The following RNF115 variants were observed in gnomAD, a reference collection of about 807,000 sequenced individuals.
The protein encoded by RNF115 is E3 ubiquitin-protein ligase RNF115.
A neutral mutation model predicts 39.2 loss-of-function variants in RNF115; 31 were observed. That is an observed-to-expected ratio of 0.79 (90% confidence interval 0.59 to 1.07). The LOEUF (loss-of-function observed/expected upper bound fraction) is 1.07, where lower values mean the gene tolerates loss of function less well. Among genes scored for constraint, RNF115 ranks in the 50% least tolerant of loss-of-function variants. RNF115 has a pLI of 0.00. For synonymous variants in RNF115, 124 were observed against 131.0 expected, an observed-to-expected ratio of 0.95 and a Z score of 0.37; for missense variants, 384 against 381.7, an observed-to-expected ratio of 1.01 and a Z score of -0.05.
At chr1:145,772,017 A>T in intron 3 of RNF115, 98 bp from the exon 4 acceptor site, 2 of 944,460 alleles carry the variant, frequency 2.1e-6, no homozygotes, top group South Asian at 1.6e-5. Flanking sequence ...CACTGTGAAT[A>T]TTACTGTATG....
At chr1:145,782,204 C>G (rs587701261) in intron 3 of RNF115, among the ~76,000 whole-genome samples, 1 of 152,264 alleles carries the variant, frequency 6.6e-6, no homozygotes, top group South Asian at 2.1e-4. Flanking sequence ...CACGCCCAGC[C>G]TTCCTTGTTT....
At chr1:145,782,456 AAC>A (rs370264320) in intron 3 of RNF115, among the ~76,000 whole-genome samples, 6 of 151,708 alleles carry the variant, frequency 4.0e-5, no homozygotes, top group African/African-American at 1.4e-4. Context: ...ATCTCTTAAA[AAC>A]ACACACACAC....
chr1:145,780,601 C>T (rs1417309019), intron 3 of RNF115, among the ~76,000 whole-genome samples: 2 of 117,266 alleles, frequency 1.7e-5, no homozygotes, highest in Non-Finnish European at 3.3e-5. Context: ...GCCTGGGCAA[C>T]AGAGTGAGAC....
intron 3 of RNF115, chr1:145,772,532 T>C (rs1403327789): frequency 6.6e-6 from 1 of 152,324 alleles, no homozygotes. Flanking sequence ...CTTTCATCAC[T>C]TTAAATATGT....
At chr1:145,763,241 C>T (rs759072547) in intron 4 of RNF115, among the ~76,000 whole-genome samples, 2 of 152,076 alleles carry the variant, frequency 1.3e-5, no homozygotes, top group Non-Finnish European at 2.9e-5. Context: ...TTTAAAAGAA[C>T]GTATTATTTA....
intron 3 of RNF115, among the ~76,000 whole-genome samples, chr1:145,776,027 TA>T (rs1351415050): frequency 6.1e-5 from 9 of 146,570 alleles, no homozygotes; most frequent in African/African-American, 2.3e-4. Flanking sequence ...TAAAAATAAA[TA>T]AAATAAAATA....
At chr1:145,793,842 CTT>C (rs11304765) in intron 1 of RNF115, among the ~76,000 whole-genome samples, 58 of 135,770 alleles carry the variant, frequency 4.3e-4, no homozygotes, top group Non-Finnish European at 5.1e-4. Flanking sequence ...TACCCTCTTT[CTT>C]TTTTTTTTTT....
intron 4 of RNF115, among the ~76,000 whole-genome samples, chr1:145,766,140 G>A (rs1553714779): frequency 6.6e-6 from 1 of 152,138 alleles, no homozygotes; most frequent in East Asian, 1.9e-4. Context: ...AGGACCCTGC[G>A]GCCTTCCGCA....
At chr1:145,770,401 G>C (rs979892239) in intron 4 of RNF115, among the ~76,000 whole-genome samples, 1 of 152,038 alleles carries the variant, frequency 6.6e-6, no homozygotes, top group South Asian at 2.1e-4. Flanking sequence ...CTGTTCAATA[G>C]AACTAAGATA....
chr1:145,795,480 T>C (rs144389069), intron 1 of RNF115, among the ~76,000 whole-genome samples: 371 of 152,246 alleles, frequency 2.4e-3, no homozygotes, highest in African/African-American at 8.4e-3. Flanking sequence ...GAGTGCTGAT[T>C]GGTACATTTT....
intron 3 of RNF115, chr1:145,772,820 C>A (rs1647701738): frequency 6.6e-6 from 1 of 152,092 alleles, no homozygotes; most frequent in Non-Finnish European, 1.5e-5. Context: ...GTTTTCTGCA[C>A]CTTTCTCCCT....
rs587640709 is a variant in RNF115 at position 145,764,112 on chromosome 1, C to T, written c.428+7599G>A. On this transcript the variant is annotated intron_variant, in intron 4 of 8. Transcript: ENST00000582693. ...TATTTTTTTGGTGGAGACTGGGTTT[C>T]GCTGTGTTGGCCGGGCTGGTCTCCA... Among the ~76,000 whole-genome samples, 434 of 152,322 alleles carry T rather than the reference C, an allele frequency of 2.8e-3. 1 individual carries two copies. Among genetic ancestry groups the T allele is most frequent in the Middle Eastern group, 6.8e-3 (2 of 292 alleles).
At position 145,746,890 on chromosome 1, in the gene RNF115, C is replaced by G. The variant is rs782159930; in HGVS notation, c.891G>C (p.Gln297His). 14 of 1,613,944 alleles carry G rather than the reference C, an allele frequency of 8.7e-6. No individual in the cohort carries two copies. The highest frequency in any genetic ancestry group is 1.2e-5 in the Non-Finnish European group (14 of 1,180,020). ...TTCAGAAAGTCCATCGGTCATGTAGCTGACTGTCATTGCTAAATCTGTTGC... is the reference window on the plus strand; with the variant it reads ...TTCAGAAAGTCCATCGGTCATGTAGGTGACTGTCATTGCTAAATCTGTTGC... ...SASNRFSNDS[Q>H]LHDRWTF Residue 297 changes from glutamine to histidine, a missense_variant, in exon 9 of 9, where the codon CAG becomes CAC. Transcript: ENST00000582693.
rs1439373968 is a variant in RNF115, at chr1:145,746,536, T to C, written c.*330A>G. 5.3e-6 allele frequency: 1 copy of C among 188,782 alleles called. No homozygotes were observed. Among genetic ancestry groups the C allele is most frequent in the Non-Finnish European group, 1.1e-5 (1 of 91,754 alleles). The allele number at this position is 188,782 out of a possible 1,614,324, so 11.7% of individuals were successfully genotyped here. On this transcript the variant is annotated 3_prime_UTR_variant, in exon 9 of 9. Coordinates refer to ENST00000582693, the MANE Select transcript of RNF115 (RefSeq NM_014455.4). ...GAGGTTGGAGAAGGAGGTGGAAACATCCGTTACAAGGCAACATGACAGACA... is the reference window on the plus strand; with the variant it reads ...GAGGTTGGAGAAGGAGGTGGAAACACCCGTTACAAGGCAACATGACAGACA...
At chr1:145,799,344 G>A (rs1553720538) in intron 1 of RNF115, among the ~76,000 whole-genome samples, 1 of 152,158 alleles carries the variant, frequency 6.6e-6, no homozygotes, top group Admixed American at 6.5e-5. Flanking sequence ...GGGATTACAG[G>A]CATGAGCCAC....
chr1:145,750,399 G>T lies in RNF115; in HGVS notation c.667+8C>A. ...AAGATGACAGAATAAGTATAAAAAT[G>T]AACCTACCAACTTGTTCCTGAGTTA... is the stretch of plus-strand genomic sequence containing the variant. On this transcript the variant is annotated splice_region_variant and intron_variant, in intron 7 of 8. Coordinates refer to ENST00000582693, the MANE Select transcript of RNF115 (RefSeq NM_014455.4). The T allele has an allele frequency of 6.2e-7, 1 of 1,600,876 alleles. No individual in the cohort carries two copies. The highest frequency in any genetic ancestry group is 8.6e-7 in the Non-Finnish European group (1 of 1,168,136).
At chr1:145,791,855 A>G (rs1342038741) in intron 1 of RNF115, among the ~76,000 whole-genome samples, 1 of 152,046 alleles carries the variant, frequency 6.6e-6, no homozygotes, top group Non-Finnish European at 1.5e-5. Context: ...ATTTTTTTTT[A>G]AACCTCATCC....
chr1:145,795,149 A>G (rs1648911429), intron 1 of RNF115, among the ~76,000 whole-genome samples: 1 of 151,664 alleles, frequency 6.6e-6, no homozygotes, highest in Non-Finnish European at 1.5e-5. Flanking sequence ...AGACCTTCGC[A>G]GGGAGTGTTA....
intron 3 of RNF115, among the ~76,000 whole-genome samples, chr1:145,776,479 T>TA (rs1559115816): frequency 6.6e-6 from 1 of 152,082 alleles, no homozygotes; most frequent in African/African-American, 2.4e-5. Context: ...AACATTTTTT[T>TA]AAAGTTTTAA....
Sources: gnomAD v4.1 joint callset for allele counts (sites outside exome capture counted in the v4.1 genomes callset) on GRCh38, gnomAD v4.1.1 for gene constraint, MANE v1.5 for transcripts, NCBI Gene and HGNC (gene_info 2026-07-23, HGNC 2026-07-21) for gene names.